Variants in CHP1 observed in about 807,000 individuals in gnomAD.
CHP1 encodes calcineurin like EF-hand protein 1, also known as calcineurin B homologous protein 1.
Under a neutral mutation model 27.4 loss-of-function variants are expected in CHP1, and 11 were observed. The observed-to-expected ratio is 0.40, with a 90% CI of 0.25 to 0.67. CHP1 has a LOEUF of 0.67. Among genes scored for constraint, CHP1 ranks in the 30% least tolerant of loss-of-function variants. The pLI is 0.38. For missense variants in CHP1, 169 were observed against 251.3 expected (o/e 0.67, Z 2.22); for synonymous variants, 89 against 87.4 (o/e 1.02, Z -0.10).
intron 1 of CHP1, among the ~76,000 whole-genome samples, chr15:41,238,801 A>G (rs1409763216): frequency 6.6e-6 from 1 of 152,078 alleles, no homozygotes; most frequent in African/African-American, 2.4e-5. Flanking sequence ...GCAGTGAGCC[A>G]AGATCGCGCC....
At chr15:41,264,367 A>G (rs918149415) in intron 4 of CHP1, 1 of 356,102 alleles carries the variant, frequency 2.8e-6, no homozygotes, top group Non-Finnish European at 5.2e-6. Flanking sequence ...TTGGAATGCC[A>G]CAGAAATGGC....
At chr15:41,263,681 C>T (rs2047444538) in intron 4 of CHP1, among the ~76,000 whole-genome samples, 1 of 152,108 alleles carries the variant, frequency 6.6e-6, no homozygotes, top group Non-Finnish European at 1.5e-5. Context: ...TTGAGACCAG[C>T]CTGGGCAACA....
chr15:41,265,834 A>G (rs561160242), intron 4 of CHP1, among the ~76,000 whole-genome samples: 33 of 152,298 alleles, frequency 2.2e-4, no homozygotes, highest in African/African-American at 7.7e-4. Flanking sequence ...TTTCTTTTCT[A>G]AGCCACGGTG....
intron 2 of CHP1, 77 bp downstream of exon 2, chr15:41,243,816 C>A: frequency 1.6e-6 from 2 of 1,244,602 alleles, no homozygotes; most frequent in East Asian, 2.4e-5. Flanking sequence ...GCCTTTATCC[C>A]TAGGGTAGAC....
intron 1 of CHP1, among the ~76,000 whole-genome samples, chr15:41,241,479 C>A (rs138925811): frequency 1.3e-5 from 2 of 152,344 alleles, no homozygotes; most frequent in African/African-American, 4.8e-5. Flanking sequence ...CTCTGGTAAG[C>A]CATGGTGCTA....
chr15:41,249,763 C>T (rs886635231), intron 2 of CHP1, among the ~76,000 whole-genome samples: 3 of 152,000 alleles, frequency 2.0e-5, no homozygotes, highest in South Asian at 2.1e-4. Flanking sequence ...TAAGCCACTG[C>T]GCCCGGCCTC....
intron 2 of CHP1, among the ~76,000 whole-genome samples, chr15:41,252,415 C>A (rs2047374354): frequency 6.6e-6 from 1 of 152,130 alleles, no homozygotes; most frequent in Non-Finnish European, 1.5e-5. Context: ...GATCCACCCA[C>A]CTCGGCCTCC....
At chr15:41,248,175 G>T (rs936607910) in intron 2 of CHP1, among the ~76,000 whole-genome samples, 7 of 150,950 alleles carry the variant, frequency 4.6e-5, no homozygotes, top group Non-Finnish European at 7.4e-5. Context: ...AAGAGACAGG[G>T]TCGCACTCTG....
At chr15:41,248,652 C>T (rs1357249260) in intron 2 of CHP1, among the ~76,000 whole-genome samples, 1 of 152,104 alleles carries the variant, frequency 6.6e-6, no homozygotes, top group East Asian at 1.9e-4. Flanking sequence ...GAGACTCATG[C>T]CTGTAATCCC....
intron 5 of CHP1, chr15:41,272,292 C>T (rs2047493634): frequency 6.6e-6 from 1 of 152,088 alleles, no homozygotes; most frequent in Non-Finnish European, 1.5e-5. Flanking sequence ...GCCATCATGC[C>T]TGGCCCCAAC....
intron 4 of CHP1, among the ~76,000 whole-genome samples, chr15:41,266,051 AGGTG>A (rs2047458413): frequency 6.6e-6 from 1 of 152,118 alleles, no homozygotes; most frequent in South Asian, 2.1e-4. Flanking sequence ...TGGGAGGCCG[AGGTG>A]GGTGGATCAC....
intron 2 of CHP1, among the ~76,000 whole-genome samples, chr15:41,251,661 T>C (rs940588265): frequency 6.6e-6 from 1 of 152,112 alleles, no homozygotes. Context: ...CTAGACTGAG[T>C]GCTCCTTATG....
At chr15:41,246,084 A>G (rs2047333019) in intron 2 of CHP1, among the ~76,000 whole-genome samples, 1 of 152,160 alleles carries the variant, frequency 6.6e-6, no homozygotes, top group African/African-American at 2.4e-5. Context: ...GTGAATTTAC[A>G]CTTGAAAAAT....
intron 5 of CHP1, among the ~76,000 whole-genome samples, chr15:41,274,122 G>A (rs1324476599): frequency 6.6e-6 from 1 of 151,824 alleles, no homozygotes; most frequent in East Asian, 2.0e-4. Flanking sequence ...CACCACGCCT[G>A]GCTAATTTTT....
At chr15:41,252,542 T>C (rs2047375355) in intron 2 of CHP1, among the ~76,000 whole-genome samples, 2 of 152,172 alleles carry the variant, frequency 1.3e-5, no homozygotes, top group African/African-American at 4.8e-5. Flanking sequence ...CTCCTCATTA[T>C]GTACAAGTCA....
chr15:41,255,302 A>G (rs572882334), intron 2 of CHP1, among the ~76,000 whole-genome samples: 2 of 152,316 alleles, frequency 1.3e-5, no homozygotes, highest in South Asian at 2.1e-4. Flanking sequence ...TGAAGACTGC[A>G]GCACAGATAA....
intron 1 of CHP1, among the ~76,000 whole-genome samples, chr15:41,239,771 C>CTTTTTTTTTT: frequency 6.6e-6 from 1 of 150,936 alleles, no homozygotes; most frequent in Admixed American, 6.6e-5. Flanking sequence ...TATTTTATTT[C>CTTTTTTTTTT]TTTTTTATTT....
intron 3 of CHP1, among the ~76,000 whole-genome samples, chr15:41,262,100 C>T (rs1222492607): frequency 2.0e-5 from 3 of 151,730 alleles, no homozygotes; most frequent in Non-Finnish European, 2.9e-5. Context: ...ACCCGGGAGG[C>T]GGAGGTTGCA....
At chr15:41,249,086 G>A (rs2047350471) in intron 2 of CHP1, among the ~76,000 whole-genome samples, 1 of 152,150 alleles carries the variant, frequency 6.6e-6, no homozygotes, top group Non-Finnish European at 1.5e-5. Context: ...CTCAGCTTAA[G>A]GCCTGTCTTG....
Sources: gnomAD v4.1 joint callset for allele counts (sites outside exome capture counted in the v4.1 genomes callset) on GRCh38, gnomAD v4.1.1 for gene constraint, MANE v1.5 for transcripts, NCBI Gene and HGNC (gene_info 2026-07-23, HGNC 2026-07-21) for gene names.